RAB27A: variants seen among roughly 807,000 people sequenced by gnomAD.
RAB27A encodes the protein ras-related protein Rab-27A.
RAB27A carries 17 observed loss-of-function variants against 20.8 expected under a neutral mutation model. That is an observed-to-expected ratio of 0.82 (90% CI 0.56 to 1.23). RAB27A has a LOEUF of 1.23. Among genes scored for constraint, RAB27A ranks in the 50% most tolerant of loss-of-function variants. The probability of loss-of-function intolerance (pLI) is 0.00; values close to 1 mark genes in which losing one functional copy is unlikely to be tolerated. For missense variants in RAB27A, 277 were observed against 266.7 expected, an observed-to-expected ratio of 1.04 and a Z score of -0.27; for synonymous variants, 85 against 92.8, an observed-to-expected ratio of 0.92 and a Z score of 0.48.
At chr15:55,282,927 T>C (rs35704171) in intron 1 of RAB27A, among the ~76,000 whole-genome samples, 22 of 151,236 alleles carry the variant, frequency 1.5e-4, no homozygotes, top group African/African-American at 3.7e-4. Flanking sequence ...AATAAATAAA[T>C]AAACAAACAA....
chr15:55,301,845 C>T (rs1033463807), intron 2 of RAB27A, among the ~76,000 whole-genome samples: 2 of 151,794 alleles, frequency 1.3e-5, no homozygotes, highest in Admixed American at 6.6e-5. Context: ...AGGGTTTCAC[C>T]GTGTTGGCCA....
At chr15:55,309,567 C>G (rs2055011599) in intron 2 of RAB27A, among the ~76,000 whole-genome samples, 1 of 152,152 alleles carries the variant, frequency 6.6e-6, no homozygotes, top group South Asian at 2.1e-4. Flanking sequence ...TGGGGTAAAA[C>G]AGTCCAGGTG....
At chr15:55,250,419 A>G (rs1197873266) in intron 2 of RAB27A, among the ~76,000 whole-genome samples, 1 of 152,180 alleles carries the variant, frequency 6.6e-6, no homozygotes, top group Non-Finnish European at 1.5e-5. Context: ...TGGAATTCCT[A>G]TAATTATTAG....
intron 1 of RAB27A, among the ~76,000 whole-genome samples, chr15:55,315,997 G>C (rs2055041638): frequency 6.6e-6 from 1 of 152,144 alleles, no homozygotes; most frequent in Admixed American, 6.5e-5. Flanking sequence ...ACTTTGGGAG[G>C]CCGAAGCAGG....
In RAB27A at chr15:55,274,794, TTATATATATATATATATATA is replaced by T. The variant is rs371945954; in HGVS notation, c.-142-4530_-142-4511del. Among the ~76,000 whole-genome samples, 6 of 52,172 alleles carry T rather than the reference TTATATATATATATATATATA, an allele frequency of 1.2e-4. 1 individual carries two copies. Among genetic ancestry groups the T allele is most frequent in the African/African-American group, 3.5e-4 (6 of 17,200 alleles). The allele number at this position is 52,172 out of a possible 152,430, so 34.2% of individuals were successfully genotyped here. ...ATCCGTCCTTAAAAAAATAAATAAA[TTATATATATATATATATATA>T]TATATATATATGTATAGAGAGAGAC... On this transcript the variant is annotated intron_variant, in intron 1 of 6. Coordinates refer to ENST00000336787, the MANE Select transcript of RAB27A (RefSeq NM_183235.3).
intron 2 of RAB27A, among the ~76,000 whole-genome samples, chr15:55,312,250 G>C (rs993105110): frequency 5.3e-5 from 8 of 152,216 alleles, no homozygotes; most frequent in Middle Eastern, 3.2e-3. Context: ...CAAACAACAG[G>C]GGTGGACGGC....
At chr15:55,303,595 G>A (rs1379107411) in intron 2 of RAB27A, among the ~76,000 whole-genome samples, 69 of 89,076 alleles carry the variant, frequency 7.7e-4, no homozygotes, top group African/African-American at 2.0e-3. Flanking sequence ...CAGCCGCCCC[G>A]TCCGGGAGGG....
chr15:55,284,421 G>T (rs1291094112), intron 1 of RAB27A, among the ~76,000 whole-genome samples: 1 of 151,946 alleles, frequency 6.6e-6, no homozygotes, highest in Non-Finnish European at 1.5e-5. Context: ...CTTAATCAAA[G>T]CACCTTATAA....
intron 2 of RAB27A, among the ~76,000 whole-genome samples, chr15:55,253,416 C>T (rs1010078097): frequency 1.3e-5 from 2 of 151,682 alleles, no homozygotes; most frequent in African/African-American, 4.8e-5. Context: ...CACCGCACTC[C>T]AGCCTGGGTG....
upstream of RAB27A, among the ~76,000 whole-genome samples, chr15:55,294,578 A>T (rs2054939263): frequency 7.8e-6 from 1 of 127,862 alleles, no homozygotes; most frequent in South Asian, 2.8e-4. Context: ...ACAGAACAAA[A>T]CCCTGTCTCC....
At chr15:55,211,788 A>G (rs565582756) in intron 6 of RAB27A, among the ~76,000 whole-genome samples, 62 of 152,130 alleles carry the variant, frequency 4.1e-4, no homozygotes, top group Non-Finnish European at 6.6e-4. Context: ...GTTTTCTTAT[A>G]CAGGTCCTCA....
At chr15:55,280,277 C>T (rs1458556760) in intron 1 of RAB27A, among the ~76,000 whole-genome samples, 1 of 151,964 alleles carries the variant, frequency 6.6e-6, no homozygotes, top group Admixed American at 6.6e-5. Context: ...CACTCACTTG[C>T]TGTGTGACTC....
chr15:55,209,657 G>A (rs531308035), intron 6 of RAB27A, among the ~76,000 whole-genome samples: 1 of 147,230 alleles, frequency 6.8e-6, no homozygotes, highest in East Asian at 2.0e-4. Context: ...TATATCTTTT[G>A]GGATATATAT....
chr15:55,308,959 C>T (rs753907966), intron 2 of RAB27A, among the ~76,000 whole-genome samples: 4 of 152,206 alleles, frequency 2.6e-5, no homozygotes, highest in Non-Finnish European at 4.4e-5. Flanking sequence ...GTTGCAAGCT[C>T]GTCCCTCGGA....
chr15:55,211,219 G>T (rs1256540249), intron 6 of RAB27A, among the ~76,000 whole-genome samples: 1 of 152,022 alleles, frequency 6.6e-6, no homozygotes, highest in African/African-American at 2.4e-5. Context: ...TTTTTCCTCA[G>T]GATTTTGTCA....
chr15:55,227,642 C>T (rs1433454957), intron 5 of RAB27A, among the ~76,000 whole-genome samples: 1 of 152,144 alleles, frequency 6.6e-6, no homozygotes, highest in Non-Finnish European at 1.5e-5. Flanking sequence ...GGCTCAATGT[C>T]CTTCTCCTGA....
At chr15:55,209,622 TTG>T (rs1193456346) in intron 6 of RAB27A, among the ~76,000 whole-genome samples, 1 of 151,682 alleles carries the variant, frequency 6.6e-6, no homozygotes, top group East Asian at 1.9e-4. Context: ...AAATACCCTT[TTG>T]ATATATCTGA....
intron 1 of RAB27A, among the ~76,000 whole-genome samples, chr15:55,280,503 T>TTATATATATATG (rs1897986361): frequency 7.2e-6 from 1 of 137,932 alleles, no homozygotes; most frequent in African/African-American, 2.9e-5. Context: ...TGGGTATGGT[T>TTATATATATATG]TATATATATA....
At chr15:55,314,797 C>T (rs1450571528) in intron 1 of RAB27A, among the ~76,000 whole-genome samples, 1 of 152,148 alleles carries the variant, frequency 6.6e-6, no homozygotes, top group Non-Finnish European at 1.5e-5. Context: ...ATTCCATGCT[C>T]ATGGATAGGA....
Sources: allele counts gnomAD v4.1 joint callset (sites outside exome capture counted in the v4.1 genomes callset), GRCh38; gene constraint gnomAD v4.1.1; transcripts MANE v1.5; gene names NCBI Gene and HGNC (gene_info 2026-07-23, HGNC 2026-07-21).